Variants in USP32 observed in about 807,000 individuals in gnomAD.
USP32 encodes the protein ubiquitin specific peptidase 32, also known as ubiquitin carboxyl-terminal hydrolase 32.
A neutral mutation model predicts 204.8 loss-of-function variants in USP32; 59 were observed. The observed-to-expected ratio is 0.29, with a 90% CI of 0.23 to 0.36. The LOEUF (loss-of-function observed/expected upper bound fraction) is 0.36, where lower values mean the gene tolerates loss of function less well. Ranked by LOEUF, USP32 falls within the 10% of genes least tolerant of loss-of-function variation. USP32 has a pLI of 1.00. For missense variants in USP32, 1,160 were observed against 1,946.4 expected, an observed-to-expected ratio of 0.60 and a Z score of 7.60; for synonymous variants, 517 against 678.4, an observed-to-expected ratio of 0.76 and a Z score of 3.70.
chr17:60,318,392 C>T lies in USP32; in HGVS notation c.187-16688G>A, dbSNP rs559999734. Among the ~76,000 whole-genome samples, 6 of 152,266 alleles carry T rather than the reference C, an allele frequency of 3.9e-5. No homozygotes were observed. The South Asian group carries it at 1.2e-3, about 32-fold the overall frequency. ...CTCCTGTTCACTAATCTAATTCCAT[C>T]TAGAGAACAGCATGGGATTAACCAT... On this transcript the variant is annotated intron_variant, in intron 2 of 33. Coordinates refer to ENST00000300896, the MANE Select transcript of USP32 (RefSeq NM_032582.4).
chr17:60,241,362 T>C (rs2085872957), intron 11 of USP32, among the ~76,000 whole-genome samples: 2 of 152,208 alleles, frequency 1.3e-5, no homozygotes, highest in African/African-American at 4.8e-5. Flanking sequence ...ACCAGGTGGG[T>C]TGCCATTTTC....
At chr17:60,279,292 T>C (rs1055149318) in intron 5 of USP32, among the ~76,000 whole-genome samples, 6 of 151,620 alleles carry the variant, frequency 4.0e-5, no homozygotes, top group South Asian at 2.1e-4. Context: ...GATACCAGCC[T>C]GGGCAACATG....
intron 3 of USP32, 113 bp downstream of exon 3, chr17:60,301,486 T>C: frequency 1.6e-6 from 1 of 614,040 alleles, no homozygotes; most frequent in Non-Finnish European, 2.7e-6. Context: ...ATTTACCACT[T>C]GTATATCTTC....
At chr17:60,282,061 T>C (rs1329973540) in intron 5 of USP32, among the ~76,000 whole-genome samples, 1 of 152,188 alleles carries the variant, frequency 6.6e-6, no homozygotes, top group Non-Finnish European at 1.5e-5. Context: ...AAGAATGTTA[T>C]AAATAACTGA....
chr17:60,422,372 A>C, exon 1 of USP32: 3 of 1,227,574 alleles, frequency 2.4e-6, no homozygotes, highest in Non-Finnish European at 3.3e-6. Flanking sequence ...TCCCTAGTCC[A>C]GATCCCAGCT....
chr17:60,351,108 AC>A (rs2088936188), intron 1 of USP32, among the ~76,000 whole-genome samples: 1 of 152,138 alleles, frequency 6.6e-6, no homozygotes, highest in Non-Finnish European at 1.5e-5. Flanking sequence ...AATGGATGGT[AC>A]CAATTACCAC....
intron 17 of USP32, among the ~76,000 whole-genome samples, chr17:60,214,217 C>G (rs575329540): frequency 1.3e-5 from 2 of 152,192 alleles, no homozygotes; most frequent in African/African-American, 4.8e-5. Context: ...GATGGGATTA[C>G]AGGCGTGAGC....
At chr17:60,276,215 C>CT (rs952550198) in intron 5 of USP32, among the ~76,000 whole-genome samples, 2 of 152,060 alleles carry the variant, frequency 1.3e-5, no homozygotes, top group African/African-American at 4.8e-5. Context: ...CCTGTTTCAA[C>CT]TTTTTTGTAA....
chr17:60,370,082 G>A (rs1055178331), intron 1 of USP32, among the ~76,000 whole-genome samples: 6 of 150,214 alleles, frequency 4.0e-5, no homozygotes, highest in African/African-American at 1.5e-4. Context: ...TTTCACTCTT[G>A]TTGCCCAGGC....
chr17:60,306,033 G>A (rs2087713284), intron 2 of USP32, among the ~76,000 whole-genome samples: 1 of 151,762 alleles, frequency 6.6e-6, no homozygotes, highest in Non-Finnish European at 1.5e-5. Context: ...GTTTCAGAAA[G>A]CAGTATGCAT....
chr17:60,271,542 C>T, intron 5 of USP32, 61 bp from the exon 6 acceptor site: 1 of 1,521,146 alleles, frequency 6.6e-7, no homozygotes, highest in Non-Finnish European at 9.0e-7. Flanking sequence ...GAGTTCAGTT[C>T]ATCCTGATAA....
At chr17:60,271,800 A>AT (rs970781966) in intron 5 of USP32, among the ~76,000 whole-genome samples, 2 of 149,768 alleles carry the variant, frequency 1.3e-5, no homozygotes, top group African/African-American at 4.9e-5. Context: ...ACCTGTACTG[A>AT]TTTTTTTTCT....
intron 3 of USP32, among the ~76,000 whole-genome samples, chr17:60,296,577 G>A (rs1376000419): frequency 6.6e-6 from 1 of 152,104 alleles, no homozygotes; most frequent in Non-Finnish European, 1.5e-5. Context: ...ACTATGAGAC[G>A]GTAAATATCT....
chr17:60,304,146 T>C (rs2087661762), intron 2 of USP32, among the ~76,000 whole-genome samples: 1 of 150,882 alleles, frequency 6.6e-6, no homozygotes, highest in Admixed American at 6.6e-5. Flanking sequence ...AAACCAAAGA[T>C]AAAAAGAAAA....
intron 1 of USP32, among the ~76,000 whole-genome samples, chr17:60,365,917 T>C (rs1300504527): frequency 6.6e-6 from 1 of 152,170 alleles, no homozygotes; most frequent in Non-Finnish European, 1.5e-5. Flanking sequence ...TTTGGAGGGC[T>C]ATGTGGGGTT....
At chr17:60,199,367 A>G (rs1430845755) in intron 26 of USP32, among the ~76,000 whole-genome samples, 1 of 152,134 alleles carries the variant, frequency 6.6e-6, no homozygotes, top group Admixed American at 6.5e-5. Context: ...AATTTTTAAA[A>G]TTTGCTTTGA....
chr17:60,263,479 T>C (rs1010157513), intron 9 of USP32, among the ~76,000 whole-genome samples: 2 of 152,224 alleles, frequency 1.3e-5, no homozygotes, highest in Non-Finnish European at 2.9e-5. Context: ...ACCCAAGTTC[T>C]ATCCCAAACT....
intron 33 of USP32, among the ~76,000 whole-genome samples, chr17:60,179,752 C>T (rs1471633535): frequency 1.3e-5 from 2 of 152,214 alleles, no homozygotes; most frequent in East Asian, 3.8e-4. Context: ...CTCACTGCAA[C>T]CTCTGCCTCC....
At chr17:60,230,147 AT>A (rs2085509451) in intron 12 of USP32, among the ~76,000 whole-genome samples, 1 of 152,164 alleles carries the variant, frequency 6.6e-6, no homozygotes, top group Non-Finnish European at 1.5e-5. Context: ...GTAGTAATAT[AT>A]TTTGAGGAAG....
Sources: allele counts gnomAD v4.1 joint callset (sites outside exome capture counted in the v4.1 genomes callset), GRCh38; gene constraint gnomAD v4.1.1; transcripts MANE v1.5; gene names NCBI Gene and HGNC (gene_info 2026-07-23, HGNC 2026-07-21).